Variants in PCDH15 observed in about 807,000 individuals in gnomAD.
PCDH15 encodes the protein protocadherin-15.
PCDH15 carries 129 observed loss-of-function variants against 178.5 expected under a neutral mutation model. The observed-to-expected ratio is 0.72, with a 90% CI of 0.63 to 0.84. PCDH15 has a LOEUF of 0.84. Among genes scored for constraint, PCDH15 ranks in the 40% least tolerant of loss-of-function variants. The pLI is 0.00. For missense variants in PCDH15, 2,230 were observed against 2,099.9 expected, an observed-to-expected ratio of 1.06 and a Z score of -1.21; for synonymous variants, 800 against 732.0, an observed-to-expected ratio of 1.09 and a Z score of -1.50.
chr10:55,354,530 T>G (rs1226007898), intron 2 of PCDH15, among the ~76,000 whole-genome samples: 1 of 152,076 alleles, frequency 6.6e-6, no homozygotes. Context: ...CACTACCAGG[T>G]AGATTTCAAT....
intron 21 of PCDH15, among the ~76,000 whole-genome samples, chr10:53,978,712 A>G (rs760322534): frequency 6.0e-5 from 8 of 132,442 alleles, no homozygotes; most frequent in Admixed American, 1.6e-4. Flanking sequence ...TCAAGCTTTT[A>G]TACTCTGCTT....
intron 3 of PCDH15, among the ~76,000 whole-genome samples, chr10:54,468,353 T>C (rs1386413032): frequency 6.6e-6 from 1 of 152,054 alleles, no homozygotes; most frequent in Non-Finnish European, 1.5e-5. Context: ...TTTTGGTATG[T>C]TATGTTTCAA....
At chr10:54,878,327 AC>A (rs1954191983) in intron 3 of PCDH15, among the ~76,000 whole-genome samples, 1 of 152,178 alleles carries the variant, frequency 6.6e-6, no homozygotes, top group Admixed American at 6.5e-5. Flanking sequence ...CAATGTGTTT[AC>A]TATCTAGAAA....
rs150319755 is a variant in PCDH15, at chr10:53,832,391, C to T, written c.3984-858G>A. On this transcript the variant is annotated intron_variant, in intron 29 of 37. Transcript: ENST00000644397. Reference sequence around the variant, plus strand: ...AATTCCTTGGGAACTTTTGAACAGTCCCTTATAAGCTCTACATATTGATGC... The same window carrying T: ...AATTCCTTGGGAACTTTTGAACAGTTCCTTATAAGCTCTACATATTGATGC... 4.3e-3 allele frequency among the ~76,000 whole-genome samples: 650 copies of T among 151,924 alleles called. 9 individuals are homozygous for T. Among genetic ancestry groups the T allele is most frequent in the African/African-American group, 0.015 (621 of 41,392 alleles).
upstream of PCDH15, among the ~76,000 whole-genome samples, chr10:55,320,683 A>G (rs186558983): frequency 1.3e-3 from 203 of 152,256 alleles, no homozygotes; most frequent in Middle Eastern, 3.4e-3. Flanking sequence ...TTGGCTCCCT[A>G]AAGTCCTCCA....
intron 10 of PCDH15, among the ~76,000 whole-genome samples, chr10:54,206,066 A>T (rs111626070): frequency 0.031 from 4,688 of 152,232 alleles, 93 homozygotes; most frequent in Non-Finnish European, 0.047. Context: ...CACCTAGGGA[A>T]TATTTTTAAT....
chr10:55,421,670 A>G (rs1237455168), intron 2 of PCDH15, among the ~76,000 whole-genome samples: 2 of 151,444 alleles, frequency 1.3e-5, no homozygotes, highest in Non-Finnish European at 3.0e-5. Flanking sequence ...AAATTAATTA[A>G]TACTTTCATC....
At position 54,285,883 on chromosome 10, in the gene PCDH15, C is replaced by A. The variant is rs567737646; in HGVS notation, c.876+31388G>T. On this transcript the variant is annotated intron_variant, in intron 8 of 37. Coordinates refer to ENST00000644397, the MANE Select transcript of PCDH15 (RefSeq NM_001384140.1). Reference sequence around the variant, plus strand: ...ATATACACAATGGAATACCATTCAGCCATAAAAAAATAAATCCTGTTATTC... The same window carrying A: ...ATATACACAATGGAATACCATTCAGACATAAAAAAATAAATCCTGTTATTC... Among the ~76,000 whole-genome samples the A allele has an allele frequency of 1.6e-4, 24 of 152,122 alleles. No homozygotes were observed. In the South Asian group the frequency reaches 1.7e-3, roughly 11 times the overall value.
intron 3 of PCDH15, among the ~76,000 whole-genome samples, chr10:54,874,421 T>C (rs2045148): frequency 0.74 from 110,603 of 148,834 alleles, 41,457 homozygotes; most frequent in East Asian, 0.89. Context: ...TGAATAATGC[T>C]GCAATAAACA....
rs71461255 is a variant in PCDH15, at chr10:54,718,684, C to CTTTT, written c.-28-54398_-28-54395dup. Among the ~76,000 whole-genome samples, 49 of 111,502 alleles carry CTTTT rather than the reference C, an allele frequency of 4.4e-4. 1 individual carries two copies. The highest frequency in any genetic ancestry group is 7.5e-4 in the African/African-American group (22 of 29,410). 73.1% of individuals were successfully genotyped at this position (111,502 alleles called of 152,430 possible). Reference sequence around the variant, plus strand: ...AACACTTCGAAAGATCACACTGATTCTTTTTTTTTTTTTTTTTTTTCTTTT... The same window carrying CTTTT: ...AACACTTCGAAAGATCACACTGATTCTTTTTTTTTTTTTTTTTTTTTTTTCTTTT... On this transcript the variant is annotated intron_variant, in intron 1 of 37. Coordinates refer to ENST00000644397, the MANE Select transcript of PCDH15 (RefSeq NM_001384140.1).
intron 8 of PCDH15, among the ~76,000 whole-genome samples, chr10:54,258,536 A>C (rs1473309162): frequency 6.6e-6 from 1 of 152,198 alleles, no homozygotes; most frequent in African/African-American, 2.4e-5. Flanking sequence ...CATGACACAG[A>C]CTTAAAGGCA....
intron 1 of PCDH15, among the ~76,000 whole-genome samples, chr10:55,271,374 A>G (rs1199197663): frequency 6.6e-6 from 1 of 152,034 alleles, no homozygotes; most frequent in South Asian, 2.1e-4. Context: ...GCCATAGAGA[A>G]AAAAAGGATT....
At chr10:54,117,314 C>G (rs747144717) in intron 15 of PCDH15, among the ~76,000 whole-genome samples, 21 of 152,086 alleles carry the variant, frequency 1.4e-4, no homozygotes, top group Non-Finnish European at 2.1e-4. Context: ...GGACCAGATG[C>G]AGGCACCTGC....
chr10:54,036,971 A>G (rs1325745591), intron 18 of PCDH15, among the ~76,000 whole-genome samples: 1 of 151,918 alleles, frequency 6.6e-6, no homozygotes, highest in Admixed American at 6.6e-5. Context: ...GAGGTTCAAG[A>G]GAGGTTTAAG....
At chr10:54,715,094 T>A (rs1382016850) in intron 1 of PCDH15, among the ~76,000 whole-genome samples, 5 of 152,186 alleles carry the variant, frequency 3.3e-5, no homozygotes, top group African/African-American at 1.2e-4. Context: ...TAAACTATAG[T>A]GAGTTCCACA....
chr10:54,485,304 T>C (rs550943617), intron 3 of PCDH15, among the ~76,000 whole-genome samples: 94 of 151,976 alleles, frequency 6.2e-4, no homozygotes, highest in African/African-American at 1.9e-3. Flanking sequence ...AAAATGTGTT[T>C]CTAGAAAAGT....
At chr10:54,024,337 G>A (rs112698278) in intron 18 of PCDH15, among the ~76,000 whole-genome samples, 4,254 of 152,116 alleles carry the variant, frequency 0.028, 82 homozygotes, top group Middle Eastern at 0.075. Context: ...ACAAGGAAAG[G>A]AAGGAAAACA....
chr10:55,094,072 A>G (rs1041154978), intron 2 of PCDH15, among the ~76,000 whole-genome samples: 5 of 152,092 alleles, frequency 3.3e-5, no homozygotes, highest in Non-Finnish European at 5.9e-5. Context: ...AAATCATGCT[A>G]CTATAAAGAC....
intron 2 of PCDH15, among the ~76,000 whole-genome samples, chr10:55,118,340 G>A (rs996981564): frequency 1.3e-5 from 2 of 152,128 alleles, no homozygotes; most frequent in African/African-American, 4.8e-5. Context: ...TCTGTCAGGC[G>A]AATGTAAGTT....
Sources: allele counts gnomAD v4.1 joint callset (sites outside exome capture counted in the v4.1 genomes callset), GRCh38; gene constraint gnomAD v4.1.1; transcripts MANE v1.5; gene names NCBI Gene and HGNC (gene_info 2026-07-23, HGNC 2026-07-21).